The following AFF1 variants were observed in gnomAD, a reference collection of about 807,000 sequenced individuals.
AFF1 encodes AF4/FMR2 family member 1.
In AFF1, 48 loss-of-function variants were observed where a neutral mutation model predicts 121.7. The ratio of observed to expected loss-of-function variants is 0.39; its 90% confidence interval spans 0.31 to 0.50. The LOEUF is 0.50. AFF1 is among the 20% of genes least tolerant of loss of function. The pLI is 0.76. For missense variants in AFF1, 1,523 were observed against 1,511.7 expected (o/e 1.01, Z -0.12); for synonymous variants, 613 against 563.0 (o/e 1.09, Z -1.26).
chr4:86,952,026 TCA>T (rs1253562395), intron 2 of AFF1, among the ~76,000 whole-genome samples: 1 of 152,130 alleles, frequency 6.6e-6, no homozygotes, highest in East Asian at 1.9e-4. Context: ...CTAAATTTTA[TCA>T]CAGTCTTGGG....
At chr4:86,962,055 T>C (rs772411982) in intron 2 of AFF1, among the ~76,000 whole-genome samples, 2 of 152,026 alleles carry the variant, frequency 1.3e-5, no homozygotes, top group African/African-American at 2.4e-5. Flanking sequence ...AATGTGTTCC[T>C]CAATAGCTGG....
rs1453763159 is a variant in AFF1, at chr4:87,115,292, A to G, written c.2459A>G (p.Lys820Arg). Residue 820 changes from lysine to arginine, a missense_variant, in exon 12 of 21, where the codon AAG becomes AGG. Coordinates refer to ENST00000395146, the MANE Select transcript of AFF1 (RefSeq NM_001166693.3). ...GACAGCTCAAGCAAGTTGGCCAAAA[A>G]GAGAAAGGTGAGTGTGGGGAGACTG... ...SSDSSSKLAK[K>R]RKGEAERDCD... 3 of 1,596,522 alleles carry G rather than the reference A, an allele frequency of 1.9e-6. No individual in the cohort carries two copies. The highest frequency in any genetic ancestry group is 2.7e-5 in the African/African-American group (2 of 74,300).
intron 2 of AFF1, among the ~76,000 whole-genome samples, chr4:87,014,829 C>T (rs369465823): frequency 5.9e-5 from 9 of 152,174 alleles, no homozygotes; most frequent in African/African-American, 1.7e-4. Flanking sequence ...ATCTGATTTA[C>T]TCTGGACTTG....
Position 86,988,312 on chromosome 4 carries a change from A to G in AFF1, c.38+39741A>G, listed in dbSNP as rs371458064. ...ACTGTATGTTTTGAACCATTAACCA[A>G]CCTCTCTCCATACCCCGCCTCCCAG... On this transcript the variant is annotated intron_variant, in intron 2 of 20. Transcript: ENST00000395146. Among the ~76,000 whole-genome samples the G allele has an allele frequency of 7.0e-4, 106 of 151,432 alleles. 3 individuals are homozygous for G. In the East Asian group the frequency reaches 0.017, roughly 25 times the overall value.
intron 4 of AFF1, among the ~76,000 whole-genome samples, chr4:87,080,307 C>T (rs1236135952): frequency 3.3e-5 from 5 of 152,208 alleles, no homozygotes; most frequent in Non-Finnish European, 5.9e-5. Context: ...ACTAGATTTT[C>T]TTGATTCATG....
chr4:87,108,476 A>G lies in AFF1; in HGVS notation c.1533+161A>G, dbSNP rs115164676. 1.7e-3 allele frequency among the ~76,000 whole-genome samples: 258 copies of G among 152,286 alleles called. 1 individual carries two copies. Among genetic ancestry groups the G allele is most frequent in the Non-Finnish European group, 3.0e-3 (205 of 68,018 alleles). On this transcript the variant is annotated intron_variant, in intron 11 of 20. Transcript: ENST00000395146. ...ATGCTGTCTAGAGCCATCTGTTTCT[A>G]TTTATTTGCTTCTTACCAAATATTT...
At chr4:87,062,154 C>T (rs1481430001) in intron 4 of AFF1, among the ~76,000 whole-genome samples, 2 of 152,120 alleles carry the variant, frequency 1.3e-5, no homozygotes, top group Non-Finnish European at 2.9e-5. Context: ...GTGATGCTGC[C>T]ATAACAAAAG....
chr4:87,104,862 A>AT (rs72230942), intron 8 of AFF1, among the ~76,000 whole-genome samples: 59 of 144,100 alleles, frequency 4.1e-4, no homozygotes, highest in South Asian at 4.4e-4. Context: ...GTTTGAGGAA[A>AT]TTTTTTTTTT....
In AFF1 at chr4:87,127,103, A is replaced by G. The variant is rs779965924; in HGVS notation, c.2889A>G (p.Gln963=). 1.2e-6 allele frequency: 2 copies of G among 1,612,360 alleles called. No individual in the cohort carries two copies. Among genetic ancestry groups the G allele is most frequent in the Admixed American group, 1.7e-5 (1 of 59,922 alleles). Residue 963 remains glutamine (Q), a synonymous_variant, in exon 15 of 21, where the codon CAA becomes CAG. Transcript: ENST00000395146. The part of the protein sequence containing the change: ...PNGNSKPGKP[Q]VKFDKQQADL... ...GTAACTCTAAACCAGGGAAGCCTCA[A>G]GTGAAGTTTGACAAGTAAGACTTCA... is the stretch of plus-strand genomic sequence containing the variant.
At chr4:87,019,707 C>T (rs1218856023) in intron 2 of AFF1, among the ~76,000 whole-genome samples, 1 of 152,226 alleles carries the variant, frequency 6.6e-6, no homozygotes, top group Non-Finnish European at 1.5e-5. Context: ...CCTTACACAT[C>T]TCTTCATCTG....
At chr4:87,069,636 C>T (rs1198057838) in intron 4 of AFF1, among the ~76,000 whole-genome samples, 3 of 150,930 alleles carry the variant, frequency 2.0e-5, no homozygotes, top group African/African-American at 4.9e-5. Flanking sequence ...TCCTCCCTTC[C>T]TTTTTTCTCT....
chr4:87,017,940 TAAA>T (rs11410710), intron 2 of AFF1, among the ~76,000 whole-genome samples: 3 of 148,490 alleles, frequency 2.0e-5, no homozygotes, highest in Non-Finnish European at 4.5e-5. Context: ...TCGTTCTATT[TAAA>T]AAAAAAAAAG....
intron 4 of AFF1, among the ~76,000 whole-genome samples, chr4:87,071,334 A>C (rs1206042429): frequency 6.6e-6 from 1 of 152,230 alleles, no homozygotes; most frequent in Non-Finnish European, 1.5e-5. Flanking sequence ...ATAATAAAAC[A>C]GATAAAACTG....
At chr4:86,944,059 A>T (rs1293721061) in intron 1 of AFF1, among the ~76,000 whole-genome samples, 1 of 149,876 alleles carries the variant, frequency 6.7e-6, no homozygotes, top group East Asian at 2.0e-4. Flanking sequence ...TGGGAGGTTT[A>T]CTTGAGCCCA....
chr4:87,073,316 CGGG>C (rs1578196442), intron 4 of AFF1, among the ~76,000 whole-genome samples: 1 of 97,076 alleles, frequency 1.0e-5, no homozygotes, highest in Non-Finnish European at 2.1e-5. Flanking sequence ...AAAAAAAAAG[CGGG>C]GGCGGAGGAT....
chr4:86,950,479 A>G (rs1264756066), intron 2 of AFF1, among the ~76,000 whole-genome samples: 1 of 152,178 alleles, frequency 6.6e-6, no homozygotes, highest in Non-Finnish European at 1.5e-5. Flanking sequence ...CATAATTTCT[A>G]TTTATAATAG....
In AFF1 at chr4:87,022,582, A is replaced by C. The variant is rs368034406; in HGVS notation, c.39-23584A>C. ...TATATATATATATATATATATATAT[A>C]TCTATCTATATCTATCTGTGTGTAT... On this transcript the variant is annotated intron_variant, in intron 2 of 20. Coordinates refer to ENST00000395146, the MANE Select transcript of AFF1 (RefSeq NM_001166693.3). Among the ~76,000 whole-genome samples the C allele has an allele frequency of 7.5e-4, 66 of 88,562 alleles. 6 individuals are homozygous for C. Among genetic ancestry groups the C allele is most frequent in the African/African-American group, 4.7e-4 (9 of 18,990 alleles). The allele number at this position is 88,562 out of a possible 152,430, so 58.1% of individuals were successfully genotyped here.
intron 12 of AFF1, among the ~76,000 whole-genome samples, chr4:87,121,553 A>G (rs1409016316): frequency 6.6e-6 from 1 of 152,186 alleles, no homozygotes; most frequent in Admixed American, 6.5e-5. Flanking sequence ...TCCAGACAGA[A>G]GATGACAAAG....
At chr4:86,972,915 A>G (rs928464122) in intron 2 of AFF1, among the ~76,000 whole-genome samples, 8 of 152,208 alleles carry the variant, frequency 5.3e-5, no homozygotes, top group Non-Finnish European at 1.0e-4. Flanking sequence ...TTAAAAGTGC[A>G]TTAGTAACCC....
Sources: allele counts gnomAD v4.1 joint callset (sites outside exome capture counted in the v4.1 genomes callset), GRCh38; gene constraint gnomAD v4.1.1; transcripts MANE v1.5; gene names NCBI Gene and HGNC (gene_info 2026-07-23, HGNC 2026-07-21).